The following DGCR2 variants were observed in gnomAD, a reference collection of about 807,000 sequenced individuals.
The protein encoded by DGCR2 is integral membrane protein DGCR2/IDD.
Under a neutral mutation model 51.6 loss-of-function variants are expected in DGCR2, and 24 were observed. The ratio of observed to expected loss-of-function variants is 0.47; its 90% CI spans 0.34 to 0.65. The LOEUF (loss-of-function observed/expected upper bound fraction) is 0.65, where lower values mean the gene tolerates loss of function less well. Ranked by LOEUF, DGCR2 falls within the 30% of genes least tolerant of loss-of-function variation. DGCR2 has a pLI of 0.01. For missense variants in DGCR2, 765 were observed against 772.1 expected, an observed-to-expected ratio of 0.99 and a Z score of 0.11; for synonymous variants, 340 against 315.4, an observed-to-expected ratio of 1.08 and a Z score of -0.82.
chr22:19,062,775 G>GCTCTCGCTCT (rs1491258740), intron 5 of DGCR2, among the ~76,000 whole-genome samples: 3 of 108,858 alleles, frequency 2.8e-5, no homozygotes, highest in Non-Finnish European at 5.8e-5. Context: ...ACACATGCAT[G>GCTCTCGCTCT]CTCACTCTCT....
At chr22:19,070,406 A>G (rs948313976) in intron 2 of DGCR2, among the ~76,000 whole-genome samples, 7 of 152,216 alleles carry the variant, frequency 4.6e-5, no homozygotes, top group Non-Finnish European at 1.0e-4. Context: ...CTTAAATTCA[A>G]CATCTCCCTC....
At chr22:19,068,814 C>T (rs547661891) in intron 2 of DGCR2, among the ~76,000 whole-genome samples, 1 of 152,386 alleles carries the variant, frequency 6.6e-6, no homozygotes, top group African/African-American at 2.4e-5. Context: ...TGCAGCAGGT[C>T]TCAGTGCATG....
chr22:19,083,086 CAAAAAA>C (rs60335630), intron 2 of DGCR2, among the ~76,000 whole-genome samples: 3 of 118,242 alleles, frequency 2.5e-5, no homozygotes, highest in Admixed American at 1.7e-4. Context: ...GACCTTGTCT[CAAAAAA>C]AAAAAAAAAG....
At chr22:19,089,532 T>C (rs563757983) in intron 1 of DGCR2, 42 bp from the exon 2 acceptor site, 8 of 1,494,882 alleles carry the variant, frequency 5.4e-6, no homozygotes, top group Admixed American at 2.1e-5. Flanking sequence ...GAAGTGGCAG[T>C]AGGCCAGCAA....
Position 19,038,377 on chromosome 22 carries a change from CCA to C in DGCR2, c.*486_*487del, listed in dbSNP as rs2082393713. The C allele has an allele frequency of 6.4e-6, 1 of 156,774 alleles. No individual in the cohort carries two copies. The allele number at this position is 156,774 out of a possible 1,614,324, so 9.7% of individuals were successfully genotyped here. A position where few individuals can be genotyped will look rare whatever the true frequency, so the allele number is the denominator to read the frequency against. Reference sequence around the variant, plus strand: ...AAGAGGCTGCCTCCCTGAAGCAGACCCACTGCCTACGCCACACTGACGGTCCA... The same window carrying C: ...AAGAGGCTGCCTCCCTGAAGCAGACCCTGCCTACGCCACACTGACGGTCCA... On this transcript the variant is annotated 3_prime_UTR_variant, in exon 10 of 10. Transcript: ENST00000263196.
chr22:19,041,375 AGGCT>A, intron 8 of DGCR2, 81 bp from the exon 9 acceptor site: 1 of 1,425,782 alleles, frequency 7.0e-7, no homozygotes, highest in Non-Finnish European at 9.7e-7. Context: ...CCCCACCCCC[AGGCT>A]GGGCCTGCCG....
Position 19,071,880 on chromosome 22 carries a change from A to C in DGCR2, c.203-3655T>G, listed in dbSNP as rs987230138. ...TATCATAATATCTGTAACCTCTCAA[A>C]GGGTTCAGAAGAAAAACACAAAGAG... On this transcript the variant is annotated intron_variant, in intron 2 of 9. Transcript: ENST00000263196. Among the ~76,000 whole-genome samples, 4 of 152,302 alleles carry C rather than the reference A, an allele frequency of 2.6e-5. No individual in the cohort carries two copies. In the East Asian group the frequency reaches 7.7e-4, roughly 29 times the overall value.
chr22:19,052,235 G>A (rs907483113), intron 6 of DGCR2, among the ~76,000 whole-genome samples: 1 of 152,066 alleles, frequency 6.6e-6, no homozygotes, highest in African/African-American at 2.4e-5. Flanking sequence ...TGGTCAACAT[G>A]GTGAAACCCA....
At chr22:19,113,764 A>G (rs2083342884) in intron 1 of DGCR2, among the ~76,000 whole-genome samples, 1 of 152,198 alleles carries the variant, frequency 6.6e-6, no homozygotes, top group Non-Finnish European at 1.5e-5. Context: ...GATTTCTAAA[A>G]AAGAATGAGT....
At chr22:19,091,947 T>A (rs1018290721) in intron 1 of DGCR2, among the ~76,000 whole-genome samples, 3 of 151,750 alleles carry the variant, frequency 2.0e-5, no homozygotes, top group African/African-American at 7.3e-5. Flanking sequence ...ATTACTGAAA[T>A]TGAAAACAGA....
intron 2 of DGCR2, among the ~76,000 whole-genome samples, chr22:19,083,870 C>T (rs989190282): frequency 2.0e-5 from 3 of 152,088 alleles, no homozygotes; most frequent in Admixed American, 6.5e-5. Flanking sequence ...AGGCGCGCGC[C>T]GCCATGCCTG....
intron 2 of DGCR2, among the ~76,000 whole-genome samples, chr22:19,069,960 G>C (rs778905357): frequency 1.3e-5 from 2 of 152,092 alleles, no homozygotes; most frequent in Non-Finnish European, 2.9e-5. Context: ...CATCTTCAAG[G>C]CTTGTGTTTT....
rs1213785077 is a variant in DGCR2, at chr22:19,057,370, C to T, written c.626-208G>A. Among the ~76,000 whole-genome samples, 2 of 152,228 alleles carry T rather than the reference C, an allele frequency of 1.3e-5. No homozygotes were observed. Among genetic ancestry groups the T allele is most frequent in the Non-Finnish European group, 2.9e-5 (2 of 68,038 alleles). On this transcript the variant is annotated intron_variant, in intron 5 of 9. Transcript: ENST00000263196. The surrounding 1 kb of genome is among the most constrained non-coding windows in gnomAD (Gnocchi z 5.1). ...GTGCTGGGCCTAGCGGGAGCCACTC[C>T]TTGGAGCCTGCAAGCACACAGGCCA...
chr22:19,060,559 G>T (rs1022944282), intron 5 of DGCR2: 3 of 176,776 alleles, frequency 1.7e-5, no homozygotes, highest in African/African-American at 7.2e-5. Context: ...TATCAAGTAT[G>T]ACTCACCAGA....
chr22:19,038,884 G>A lies in DGCR2; in HGVS notation c.1634C>T (p.Ser545Phe). The A allele has an allele frequency of 1.9e-6, 3 of 1,612,984 alleles. No individual in the cohort carries two copies. Among genetic ancestry groups the A allele is most frequent in the South Asian group, 1.1e-5 (1 of 91,042 alleles). The stretch of plus-strand genomic sequence containing the variant: ...GGCCGTCTACACCACAGTATTGAGG[G>A]AGCTGCGGCTGTGGCGGCCACCCCC... Reference protein sequence around the residue: ...LPGGGRHSRSSLNTVV With the variant: ...LPGGGRHSRSFLNTVV The change falls in exon 10 of 10, where the codon TCC (serine) becomes TTC (phenylalanine). Residue 545 changes from serine to phenylalanine, a missense_variant. By Grantham distance (155) the Ser-to-Phe change is radical. Around this residue, in one of 3 missense-constraint regions of DGCR2, gnomAD observed 205 missense variants for 181.4 expected, o/e 1.13. Transcript: ENST00000263196.
At chr22:19,102,262 A>T (rs2083210483) in intron 1 of DGCR2, among the ~76,000 whole-genome samples, 1 of 152,182 alleles carries the variant, frequency 6.6e-6, no homozygotes. Context: ...GTTGCCAAGG[A>T]CTAGGGGTGA....
chr22:19,091,549 C>T (rs1276484922), intron 1 of DGCR2, among the ~76,000 whole-genome samples: 1 of 152,180 alleles, frequency 6.6e-6, no homozygotes, highest in East Asian at 1.9e-4. Context: ...ACTACTGTAA[C>T]TGCTAATAGA....
chr22:19,109,053 C>T (rs371054093), intron 1 of DGCR2, among the ~76,000 whole-genome samples: 1 of 151,926 alleles, frequency 6.6e-6, no homozygotes, highest in African/African-American at 2.4e-5. Context: ...AAAAAAACCT[C>T]CTTAATCATC....
intron 1 of DGCR2, among the ~76,000 whole-genome samples, chr22:19,091,583 C>G (rs1387009159): frequency 6.6e-6 from 1 of 152,152 alleles, no homozygotes; most frequent in South Asian, 2.1e-4. Context: ...AAAGTCAGAG[C>G]TTTTAATAAC....
Sources: allele counts gnomAD v4.1 joint callset (sites outside exome capture counted in the v4.1 genomes callset), GRCh38; gene constraint gnomAD v4.1.1; regional missense constraint gnomAD v4.1.1; non-coding constraint Gnocchi (gnomAD v3.1); transcripts MANE v1.5; gene names NCBI Gene and HGNC (gene_info 2026-07-23, HGNC 2026-07-21).